Variants in SORCS3 observed in about 807,000 individuals in gnomAD.
SORCS3 encodes the protein sortilin related VPS10 domain containing receptor 3.
SORCS3 carries 57 observed loss-of-function variants against 146.3 expected under a neutral mutation model. The observed-to-expected ratio is 0.39, with a 90% CI of 0.31 to 0.49. The LOEUF (loss-of-function observed/expected upper bound fraction) is 0.49, where lower values mean the gene tolerates loss of function less well. Among genes scored for constraint, SORCS3 ranks in the 20% least tolerant of loss-of-function variants. The pLI, the probability that SORCS3 is intolerant of heterozygous loss-of-function variation, is 0.92. For synonymous variants in SORCS3, 653 were observed against 618.5 expected, an observed-to-expected ratio of 1.06 and a Z score of -0.83; for missense variants, 1,341 against 1,575.5, an observed-to-expected ratio of 0.85 and a Z score of 2.52.
At chr10:104,866,723 T>C (rs996804459) in intron 2 of SORCS3, among the ~76,000 whole-genome samples, 4 of 152,196 alleles carry the variant, frequency 2.6e-5, no homozygotes, top group Admixed American at 6.5e-5. Flanking sequence ...ATTTTTTCTC[T>C]CAACAGTTTG....
intron 5 of SORCS3, among the ~76,000 whole-genome samples, chr10:105,059,568 C>T (rs541922512): frequency 7.2e-5 from 11 of 152,162 alleles, no homozygotes; most frequent in South Asian, 6.2e-4. Context: ...ATATGAAGGA[C>T]GGTAGGTAGG....
intron 20 of SORCS3, among the ~76,000 whole-genome samples, chr10:105,241,402 C>A (rs563278694): frequency 6.6e-6 from 1 of 152,214 alleles, no homozygotes; most frequent in Admixed American, 6.5e-5. Flanking sequence ...ACCCTGAAGC[C>A]CCAGAGGGGG....
At chr10:104,764,297 T>C (rs572801821) in intron 1 of SORCS3, among the ~76,000 whole-genome samples, 7 of 152,296 alleles carry the variant, frequency 4.6e-5, no homozygotes, top group African/African-American at 1.7e-4. Context: ...CTGTAGATTC[T>C]GATGAAGCGG....
intron 1 of SORCS3, among the ~76,000 whole-genome samples, chr10:104,728,934 A>G (rs1406364390): frequency 6.6e-6 from 1 of 152,182 alleles, no homozygotes; most frequent in African/African-American, 2.4e-5. Flanking sequence ...CTTAATCTCA[A>G]CAATTACATC....
chr10:105,132,307 A>G (rs750458110), intron 7 of SORCS3, among the ~76,000 whole-genome samples: 14 of 152,220 alleles, frequency 9.2e-5, no homozygotes, highest in African/African-American at 2.4e-4. Context: ...GCTATTAACA[A>G]TAATGATAGT....
intron 5 of SORCS3, among the ~76,000 whole-genome samples, chr10:105,045,038 AAAAG>A (rs1342780313): frequency 1.1e-3 from 127 of 116,570 alleles, no homozygotes; most frequent in African/African-American, 4.0e-3. Flanking sequence ...AAAAAAAAAA[AAAAG>A]AAAGAAAGAA....
chr10:104,976,350 A>C (rs1280561600), intron 3 of SORCS3, among the ~76,000 whole-genome samples: 4 of 152,140 alleles, frequency 2.6e-5, no homozygotes, highest in African/African-American at 4.8e-5. Flanking sequence ...GCAAATCAAA[A>C]CCACAATGAG....
intron 1 of SORCS3, among the ~76,000 whole-genome samples, chr10:104,724,069 C>A (rs1406897685): frequency 6.6e-6 from 1 of 152,096 alleles, no homozygotes; most frequent in East Asian, 1.9e-4. Context: ...TCTTCCTAGC[C>A]TCAATGGTCT....
intron 4 of SORCS3, among the ~76,000 whole-genome samples, chr10:105,005,973 C>T (rs1646383579): frequency 6.6e-6 from 1 of 152,194 alleles, no homozygotes; most frequent in Non-Finnish European, 1.5e-5. Flanking sequence ...AAGATGGAGT[C>T]TTGCTCTGTC....
rs112182823 is a variant in SORCS3, at chr10:104,945,788, C to CT, written c.795+29869dup. Among the ~76,000 whole-genome samples the CT allele has an allele frequency of 7.6e-4, 112 of 146,516 alleles. No homozygotes were observed. In the East Asian group the frequency reaches 8.4e-3, roughly 11 times the overall value. On this transcript the variant is annotated intron_variant, in intron 3 of 26. Transcript: ENST00000369701. ...CATGCACACACATACACAATACCAACTTTTTTTTTTTTTAAACTGTGTTTG... is the reference window on the plus strand; with the variant it reads ...CATGCACACACATACACAATACCAACTTTTTTTTTTTTTTAAACTGTGTTTG...
chr10:105,216,867 A>G (rs887145879), intron 18 of SORCS3, 69 bp from the exon 19 acceptor site: 4 of 1,485,230 alleles, frequency 2.7e-6, no homozygotes, highest in East Asian at 2.3e-5. Context: ...CTGAAGCAAC[A>G]GGAGGAAGCA....
chr10:104,903,562 A>G (rs925170820), intron 2 of SORCS3, among the ~76,000 whole-genome samples: 27 of 152,312 alleles, frequency 1.8e-4, no homozygotes, highest in African/African-American at 5.5e-4. Flanking sequence ...TAGATTTAAC[A>G]ATAATAAAAA....
chr10:104,914,056 A>C (rs996703139), intron 2 of SORCS3, among the ~76,000 whole-genome samples: 5 of 152,056 alleles, frequency 3.3e-5, no homozygotes, highest in Admixed American at 2.0e-4. Flanking sequence ...GGCGTGCGTC[A>C]CCACACCCGG....
chr10:104,976,247 A>G (rs1469242162), intron 3 of SORCS3, among the ~76,000 whole-genome samples: 2 of 152,244 alleles, frequency 1.3e-5, no homozygotes, highest in Non-Finnish European at 2.9e-5. Context: ...AAAAGTGGGC[A>G]AAGGACATGA....
At chr10:104,675,271 C>T (rs920897126) in intron 1 of SORCS3, among the ~76,000 whole-genome samples, 13 of 152,082 alleles carry the variant, frequency 8.5e-5, no homozygotes, top group African/African-American at 3.1e-4. Flanking sequence ...AATGCCTGTT[C>T]AAGTATTTTG....
At chr10:104,802,365 C>T (rs2017633457) in intron 1 of SORCS3, among the ~76,000 whole-genome samples, 1 of 152,112 alleles carries the variant, frequency 6.6e-6, no homozygotes, top group Non-Finnish European at 1.5e-5. Context: ...GTTGATTTTT[C>T]AAAATCTTGT....
chr10:105,261,430 C>T (rs1471517317), intron 25 of SORCS3, among the ~76,000 whole-genome samples: 1 of 152,184 alleles, frequency 6.6e-6, no homozygotes, highest in Admixed American at 6.5e-5. Context: ...ATCAGCATCA[C>T]CTGGGAGCTT....
chr10:105,076,979 C>T (rs1175592919), intron 5 of SORCS3, among the ~76,000 whole-genome samples: 1 of 152,176 alleles, frequency 6.6e-6, no homozygotes, highest in Non-Finnish European at 1.5e-5. Flanking sequence ...CACTGAGATT[C>T]TTTAATCAAA....
intron 1 of SORCS3, 57 bp downstream of exon 1, chr10:104,642,011 G>A (rs2133231572): frequency 2.1e-6 from 3 of 1,419,558 alleles, no homozygotes; most frequent in Non-Finnish European, 2.8e-6. Context: ...GGGGAATGGG[G>A]GGGTGGGTGG....
Sources: gnomAD v4.1 joint callset for allele counts (sites outside exome capture counted in the v4.1 genomes callset) on GRCh38, gnomAD v4.1.1 for gene constraint, MANE v1.5 for transcripts, NCBI Gene and HGNC (gene_info 2026-07-23, HGNC 2026-07-21) for gene names.